CSNK1G3: variants seen among roughly 807,000 people sequenced by gnomAD.
The protein encoded by CSNK1G3 is casein kinase I isoform gamma-3.
A neutral mutation model predicts 64.3 loss-of-function variants in CSNK1G3; 23 were observed. The ratio of observed to expected loss-of-function variants is 0.36; its 90% CI spans 0.26 to 0.51. CSNK1G3 has a LOEUF of 0.51. Ranked by LOEUF, CSNK1G3 falls within the 20% of genes least tolerant of loss-of-function variation. The pLI, the probability that CSNK1G3 is intolerant of heterozygous loss-of-function variation, is 0.96. For synonymous variants in CSNK1G3, 158 were observed against 162.2 expected (o/e 0.97, Z 0.20); for missense variants, 357 against 510.5 (o/e 0.70, Z 2.90).
At chr5:123,570,503 G>A (rs914930878) in intron 4 of CSNK1G3, among the ~76,000 whole-genome samples, 2 of 151,746 alleles carry the variant, frequency 1.3e-5, no homozygotes, top group African/African-American at 2.4e-5. Flanking sequence ...ACAGGCACAC[G>A]CCACCATGCC....
chr5:123,591,599 T>C lies in CSNK1G3; in HGVS notation c.1086+185T>C, dbSNP rs190682146. ...AAAATGTTTAATCATAAATCCTTAA[T>C]TAATGGTACAAATTAGTGTAAACTT... On this transcript the variant is annotated intron_variant, in intron 10 of 12. Coordinates refer to ENST00000345990, the Ensembl canonical transcript of CSNK1G3. Among the ~76,000 whole-genome samples, 310 of 137,478 alleles carry C rather than the reference T, an allele frequency of 2.3e-3. 1 individual carries two copies. Among genetic ancestry groups the C allele is most frequent in the African/African-American group, 7.2e-3 (290 of 40,488 alleles). The allele number at this position is 137,478 out of a possible 152,430, so 90.2% of individuals were successfully genotyped here. A position where few individuals can be genotyped will look rare whatever the true frequency, so the allele number is the denominator to read the frequency against.
At chr5:123,604,474 G>T (rs1287316497) in intron 10 of CSNK1G3, among the ~76,000 whole-genome samples, 1 of 151,998 alleles carries the variant, frequency 6.6e-6, no homozygotes, top group Non-Finnish European at 1.5e-5. Context: ...AGAAGACACA[G>T]ATTTCAATAA....
intron 12 of CSNK1G3, among the ~76,000 whole-genome samples, chr5:123,614,141 T>C (rs1749036333): frequency 6.6e-6 from 1 of 152,246 alleles, no homozygotes; most frequent in Non-Finnish European, 1.5e-5. Flanking sequence ...AATGTCTTGC[T>C]ATTCTTAAAA....
At chr5:123,610,882 G>A (rs983268810) in intron 12 of CSNK1G3, among the ~76,000 whole-genome samples, 1 of 152,180 alleles carries the variant, frequency 6.6e-6, no homozygotes, top group Admixed American at 6.5e-5. Context: ...GCTGAAGTGG[G>A]AGGACCACTA....
exon 13 of CSNK1G3, chr5:123,616,198 T>C (rs2151303813): frequency 6.5e-6 from 1 of 152,754 alleles, no homozygotes; most frequent in South Asian, 2.1e-4. Flanking sequence ...AGGAGTTACA[T>C]ACTGAGTTTA....
chr5:123,557,412 A>G, intron 3 of CSNK1G3, 83 bp from the exon 4 acceptor site: 1 of 985,748 alleles, frequency 1.0e-6, no homozygotes, highest in Non-Finnish European at 1.6e-6. Context: ...ATAGGCATTG[A>G]CACCAAAATT....
chr5:123,517,954 A>C (rs182388170), intron 1 of CSNK1G3, among the ~76,000 whole-genome samples: 1 of 150,932 alleles, frequency 6.6e-6, no homozygotes, highest in East Asian at 1.9e-4. Flanking sequence ...AAAAAGGAAG[A>C]TCCTGTTATT....
At chr5:123,596,229 A>G (rs1793415498) in intron 10 of CSNK1G3, among the ~76,000 whole-genome samples, 1 of 152,028 alleles carries the variant, frequency 6.6e-6, no homozygotes. Context: ...ATTTTCAGTA[A>G]TGTGTGGTAG....
chr5:123,513,660 T>C (rs1026120558), intron 1 of CSNK1G3, among the ~76,000 whole-genome samples: 4 of 152,190 alleles, frequency 2.6e-5, no homozygotes, highest in African/African-American at 7.2e-5. Context: ...GCCACAGATA[T>C]GAGAGATGGC....
chr5:123,577,036 T>A, intron 6 of CSNK1G3, among the ~76,000 whole-genome samples: 1 of 152,142 alleles, frequency 6.6e-6, no homozygotes, highest in East Asian at 1.9e-4. Flanking sequence ...TTGAATGCAT[T>A]ATCATTATTT....
intron 12 of CSNK1G3, among the ~76,000 whole-genome samples, chr5:123,611,304 G>A (rs1206313049): frequency 6.6e-6 from 1 of 152,168 alleles, no homozygotes; most frequent in Non-Finnish European, 1.5e-5. Context: ...TCCTCTGGTG[G>A]TAGTAACTTT....
At chr5:123,587,142 C>A (rs1791478222) in intron 6 of CSNK1G3, among the ~76,000 whole-genome samples, 1 of 152,180 alleles carries the variant, frequency 6.6e-6, no homozygotes, top group African/African-American at 2.4e-5. Context: ...AATGTTTACA[C>A]AGTAAAAATC....
At chr5:123,531,075 A>T (rs768092402) in intron 1 of CSNK1G3, among the ~76,000 whole-genome samples, 2 of 152,090 alleles carry the variant, frequency 1.3e-5, no homozygotes, top group Non-Finnish European at 1.5e-5. Context: ...GAAACACTGA[A>T]TGAGTCGTTT....
chr5:123,570,185 C>T (rs1211326631), intron 4 of CSNK1G3, among the ~76,000 whole-genome samples: 2 of 152,076 alleles, frequency 1.3e-5, no homozygotes, highest in African/African-American at 2.4e-5. Flanking sequence ...AATGGTTTTC[C>T]TGTTTTGGAA....
At chr5:123,557,442 C>G in intron 3 of CSNK1G3, 53 bp from the exon 4 acceptor site, 1 of 1,333,656 alleles carries the variant, frequency 7.5e-7, no homozygotes, top group Non-Finnish European at 1.1e-6. Flanking sequence ...TGTGTTGGGA[C>G]CTAGTGCTCT....
chr5:123,596,578 C>A (rs1172999857), intron 10 of CSNK1G3, among the ~76,000 whole-genome samples: 1 of 152,080 alleles, frequency 6.6e-6, no homozygotes, highest in African/African-American at 2.4e-5. Flanking sequence ...TTCCTTTGGA[C>A]TGTCAAAGGG....
intron 8 of CSNK1G3, among the ~76,000 whole-genome samples, 177 bp from the exon 9 acceptor site, chr5:123,590,233 T>C (rs573410368): frequency 6.6e-6 from 1 of 152,184 alleles, no homozygotes; most frequent in South Asian, 2.1e-4. Flanking sequence ...CTCTATTCCC[T>C]TCCTTCTTTT....
intron 4 of CSNK1G3, among the ~76,000 whole-genome samples, chr5:123,568,243 G>A (rs763586165): frequency 1.3e-5 from 2 of 152,132 alleles, no homozygotes; most frequent in Admixed American, 6.5e-5. Context: ...GTTTCGCTGG[G>A]ATTCAGAAAG....
intron 4 of CSNK1G3, among the ~76,000 whole-genome samples, chr5:123,566,985 G>A (rs1002517865): frequency 1.3e-5 from 2 of 152,158 alleles, no homozygotes; most frequent in African/African-American, 4.8e-5. Context: ...ATTGCCCTGA[G>A]GCGGGGCAAT....
Sources: gnomAD v4.1 joint callset for allele counts (sites outside exome capture counted in the v4.1 genomes callset) on GRCh38, gnomAD v4.1.1 for gene constraint, MANE v1.5 for transcripts, NCBI Gene and HGNC (gene_info 2026-07-23, HGNC 2026-07-21) for gene names.